Variants in SNX27 observed in about 807,000 individuals in gnomAD.
SNX27 encodes sorting nexin 27, also known as sorting nexin-27.
A neutral mutation model predicts 71.6 loss-of-function variants in SNX27; 22 were observed. The ratio of observed to expected loss-of-function variants is 0.31; its 90% CI spans 0.22 to 0.44. SNX27 has a LOEUF of 0.44. SNX27 is among the 20% of genes least tolerant of loss of function. The pLI is 1.00. For missense variants in SNX27, 531 were observed against 698.6 expected, an observed-to-expected ratio of 0.76 and a Z score of 2.70; for synonymous variants, 269 against 277.2, an observed-to-expected ratio of 0.97 and a Z score of 0.29.
Position 151,647,016 on chromosome 1 carries a change from A to G in SNX27, c.543+7897A>G, listed in dbSNP as rs1669078185. Among the ~76,000 whole-genome samples the G allele has an allele frequency of 1.3e-5, 2 of 152,046 alleles. 1 individual carries two copies. The highest frequency in any genetic ancestry group is 4.1e-4 in the South Asian group (2 of 4,826). ...GACTTCTATATGTGTTATAAACTTAATGATACATTGTTATCTTTGCTTTAA... is the reference window on the plus strand; with the variant it reads ...GACTTCTATATGTGTTATAAACTTAGTGATACATTGTTATCTTTGCTTTAA... On this transcript the variant is annotated intron_variant, in intron 2 of 11. Coordinates refer to ENST00000458013, the MANE Select transcript of SNX27 (RefSeq NM_001330723.2).
Position 151,658,348 on chromosome 1 carries a change from C to G in SNX27, c.657C>G (p.Leu219=), listed in dbSNP as rs756063504. 6.2e-7 allele frequency: 1 copy of G among 1,614,138 alleles called. No homozygotes were observed. The change falls in exon 3 of 12, where the codon CTC becomes CTG. Residue 219 remains leucine, a synonymous_variant. Coordinates refer to ENST00000458013, the MANE Select transcript of SNX27 (RefSeq NM_001330723.2). The stretch of plus-strand genomic sequence containing the variant: ...TTGCCAACTTTACATTTCCTCGACT[C>G]CCAGGGAAGTGGCCATTTTCATTAT... ...REFANFTFPR[L]PGKWPFSLSE...
chr1:151,618,746 G>A (rs1429447915), intron 1 of SNX27, among the ~76,000 whole-genome samples: 1 of 152,094 alleles, frequency 6.6e-6, no homozygotes, highest in Non-Finnish European at 1.5e-5. Context: ...ATAATCTTTG[G>A]CAGGTTCATT....
At chr1:151,653,544 G>A (rs1039099762) in intron 2 of SNX27, among the ~76,000 whole-genome samples, 14 of 152,218 alleles carry the variant, frequency 9.2e-5, no homozygotes, top group African/African-American at 3.4e-4. Flanking sequence ...TTTGAGACAA[G>A]CTCTCCTTCT....
intron 7 of SNX27, 125 bp from the exon 8 acceptor site, chr1:151,683,230 TG>T: frequency 1.5e-6 from 1 of 667,478 alleles, no homozygotes; most frequent in Non-Finnish European, 2.6e-6. Context: ...CAGAGTTCAC[TG>T]GTAATGATGG....
rs1384033530 is a variant in SNX27, at chr1:151,612,461, G to C, written c.260G>C (p.Gly87Ala). The C allele has an allele frequency of 9.8e-6, 14 of 1,427,376 alleles. No individual in the cohort carries two copies. Among genetic ancestry groups the C allele is most frequent in the East Asian group, 8.4e-5 (3 of 35,506 alleles). The allele number at this position is 1,427,376 out of a possible 1,614,324, so 88.4% of individuals were successfully genotyped here. A position where few individuals can be genotyped will look rare whatever the true frequency, so the allele number is the denominator to read the frequency against. Residue 87 changes from glycine (G) to alanine (A), a missense_variant, in exon 1 of 12, where the codon GGG becomes GCG. Transcript: ENST00000458013. The surrounding 1 kb of genome is among the most constrained non-coding windows in gnomAD (Gnocchi z 5.2). ...CAGCATGTGAGCGCCGTGCTGCCCG[G>C]GGGGGCGGCCGATCGGGCCGGGGTG... is the stretch of plus-strand genomic sequence containing the variant. ...PLQHVSAVLP[G>A]GAADRAGVRK...
chr1:151,697,680 G>A lies in SNX27; in HGVS notation c.*3263G>A. 6.5e-6 allele frequency: 1 copy of A among 152,952 alleles called. No individual in the cohort carries two copies. Among genetic ancestry groups the A allele is most frequent in the Non-Finnish European group, 1.5e-5 (1 of 68,330 alleles). 9.5% of individuals were successfully genotyped at this position (152,952 alleles called of 1,614,324 possible). A position where few individuals can be genotyped will look rare whatever the true frequency, so the allele number is the denominator to read the frequency against. ...CCTTCTTTGCATGAAGCAGTGTTGT[G>A]ACTCTTCTCTCTCCCCTTCCTCTGC... is the stretch of plus-strand genomic sequence containing the variant. On this transcript the variant is annotated 3_prime_UTR_variant, in exon 12 of 12. Transcript: ENST00000458013.
intron 7 of SNX27, among the ~76,000 whole-genome samples, chr1:151,674,149 A>G (rs909673293): frequency 6.6e-6 from 1 of 151,454 alleles, no homozygotes; most frequent in African/African-American, 2.4e-5. Context: ...CCTTTTAGTG[A>G]CGGTGATTTT....
At chr1:151,629,978 GCC>G (rs1471508157) in intron 1 of SNX27, among the ~76,000 whole-genome samples, 1 of 147,726 alleles carries the variant, frequency 6.8e-6, no homozygotes, top group African/African-American at 2.5e-5. Flanking sequence ...GGGCGTGGTG[GCC>G]TGCACCTGTA....
Position 151,627,568 on chromosome 1 carries a change from G to T in SNX27, c.312-11320G>T, listed in dbSNP as rs191940102. Among the ~76,000 whole-genome samples the T allele has an allele frequency of 8.6e-3, 1,313 of 152,110 alleles. 11 individuals carry two copies. The highest frequency in any genetic ancestry group is 0.012 in the Non-Finnish European group (839 of 67,990). ...TTTTAAAATATTTGCATATATTAAG[G>T]TTCACACTGTTCTTGGTGTTTTTTG... On this transcript the variant is annotated intron_variant, in intron 1 of 11. Transcript: ENST00000458013.
intron 8 of SNX27, among the ~76,000 whole-genome samples, chr1:151,688,356 A>T (rs1455053475): frequency 6.6e-6 from 1 of 152,022 alleles, no homozygotes; most frequent in Non-Finnish European, 1.5e-5. Flanking sequence ...AAATTCAGCG[A>T]GGCGCGGTGG....
rs750944911 is a variant in SNX27, at chr1:151,612,460, G to T, written c.259G>T (p.Gly87Trp). ...GCAGCATGTGAGCGCCGTGCTGCCC[G>T]GGGGGGCGGCCGATCGGGCCGGGGT... ...PLQHVSAVLP[G>W]GAADRAGVRK... The change falls in exon 1 of 12, where the codon GGG becomes TGG. Residue 87 changes from glycine to tryptophan, a missense_variant. Gly to Trp is a radical substitution (Grantham distance 184). Coordinates refer to ENST00000458013, the MANE Select transcript of SNX27 (RefSeq NM_001330723.2). The surrounding 1 kb of genome is among the most constrained non-coding windows in gnomAD (Gnocchi z 5.2). The T allele has an allele frequency of 1.4e-6, 2 of 1,424,268 alleles. No individual in the cohort carries two copies. The highest frequency in any genetic ancestry group is 2.8e-5 in the East Asian group (1 of 35,458). The allele number at this position is 1,424,268 out of a possible 1,614,324, so 88.2% of individuals were successfully genotyped here.
chr1:151,626,517 C>T (rs1436286714), intron 1 of SNX27, among the ~76,000 whole-genome samples: 1 of 152,088 alleles, frequency 6.6e-6, no homozygotes, highest in East Asian at 1.9e-4. Context: ...TCCTGGCCAG[C>T]ATGGAGAAAC....
Position 151,658,546 on chromosome 1 carries a change from C to T in SNX27, c.736+119C>T, listed in dbSNP as rs1052540262. On this transcript the variant is annotated intron_variant, in intron 3 of 11. Transcript: ENST00000458013. The stretch of plus-strand genomic sequence containing the variant: ...TAGTGAATGTAAGTCAGGTTTCTGA[C>T]TAAGTATTGAATGATCTGAACTTTG... 1.7e-5 allele frequency: 17 copies of T among 1,008,688 alleles called. No homozygotes were observed. In the African/African-American group the frequency reaches 2.6e-4, roughly 15 times the overall value. The allele number at this position is 1,008,688 out of a possible 1,614,324, so 62.5% of individuals were successfully genotyped here.
At chr1:151,684,653 T>G (rs535083125) in intron 8 of SNX27, among the ~76,000 whole-genome samples, 2 of 152,220 alleles carry the variant, frequency 1.3e-5, no homozygotes, top group Non-Finnish European at 2.9e-5. Flanking sequence ...TAAACACATC[T>G]TAAGTTGAAA....
In SNX27 at chr1:151,675,151, A is replaced by AT. The variant is rs34395115; in HGVS notation, c.1149+6527dup. On this transcript the variant is annotated intron_variant, in intron 7 of 11. Coordinates refer to ENST00000458013, the MANE Select transcript of SNX27 (RefSeq NM_001330723.2). ...TTTCCTACTACTAGGTAGGGAATCC[A>AT]TTTTTTTTTTTCAGGTTTTGTAAGT... Among the ~76,000 whole-genome samples, 155 of 142,202 alleles carry AT rather than the reference A, an allele frequency of 1.1e-3. 1 individual carries two copies. The East Asian group carries it at 0.017, about 15-fold the overall frequency. The allele number at this position is 142,202 out of a possible 152,430, so 93.3% of individuals were successfully genotyped here. A position where few individuals can be genotyped will look rare whatever the true frequency, so the allele number is the denominator to read the frequency against.
intron 6 of SNX27, 77 bp from the exon 7 acceptor site, chr1:151,668,395 C>A: frequency 7.7e-7 from 1 of 1,306,510 alleles, no homozygotes; most frequent in Non-Finnish European, 1.0e-6. Context: ...CATTCTTGAT[C>A]TGCCTTACAT....
intron 7 of SNX27, chr1:151,669,439 A>G (rs1670359815): frequency 6.6e-6 from 1 of 152,178 alleles, no homozygotes; most frequent in South Asian, 2.1e-4. Flanking sequence ...GTGTACTTAC[A>G]ATTAATTTAG....
In SNX27 at chr1:151,692,910, G is replaced by C; in HGVS notation, c.1390-1G>C. 1 of 1,614,122 alleles carries C rather than the reference G, an allele frequency of 6.2e-7. No individual in the cohort carries two copies. The highest frequency in any genetic ancestry group is 8.5e-7 in the Non-Finnish European group (1 of 1,180,016). On this transcript the variant is annotated splice_acceptor_variant, in intron 9 of 11. Coordinates refer to ENST00000458013, the MANE Select transcript of SNX27 (RefSeq NM_001330723.2). LOFTEE classifies it high-confidence loss of function. ...CTTACTCCCTTGTCTTGGTTGTCCA[G>C]AACCAGGTAATTGCATTTGAATGGG...
Position 151,662,067 on chromosome 1 carries a change from CT to C in SNX27, c.802-97del. 3 of 738,874 alleles carry C rather than the reference CT, an allele frequency of 4.1e-6. No homozygotes were observed. The South Asian group carries it at 5.4e-5, about 13-fold the overall frequency. The allele number at this position is 738,874 out of a possible 1,614,324, so 45.8% of individuals were successfully genotyped here. A position where few individuals can be genotyped will look rare whatever the true frequency, so the allele number is the denominator to read the frequency against. On this transcript the variant is annotated intron_variant, in intron 4 of 11. Transcript: ENST00000458013. ...TTCCCGTTTTCATTGGAACTCACTT[CT>C]TCTCTACCACGTTTTAGGTTATTGT...
Sources: gnomAD v4.1 joint callset for allele counts (sites outside exome capture counted in the v4.1 genomes callset) on GRCh38, gnomAD v4.1.1 for gene constraint, Gnocchi (gnomAD v3.1) non-coding constraint, MANE v1.5 for transcripts, NCBI Gene and HGNC (gene_info 2026-07-23, HGNC 2026-07-21) for gene names.